The following L3MBTL4 variants were observed in gnomAD, a reference collection of about 807,000 sequenced individuals.
L3MBTL4 encodes lethal(3)malignant brain tumor-like protein 4.
Under a neutral mutation model 84.5 loss-of-function variants are expected in L3MBTL4, and 70 were observed. The ratio of observed to expected loss-of-function variants is 0.83; its 90% CI spans 0.68 to 1.01. L3MBTL4 has a LOEUF of 1.01. Among genes scored for constraint, L3MBTL4 ranks in the 50% least tolerant of loss-of-function variants. The pLI, the probability that L3MBTL4 is intolerant of heterozygous loss-of-function variation, is 0.00. For missense variants in L3MBTL4, 715 were observed against 754.8 expected (o/e 0.95, Z 0.62); for synonymous variants, 274 against 259.8 (o/e 1.05, Z -0.52).
intron 14 of L3MBTL4, among the ~76,000 whole-genome samples, chr18:6,124,554 T>C (rs1329703705): frequency 6.6e-6 from 1 of 151,764 alleles, no homozygotes; most frequent in Non-Finnish European, 1.5e-5. Flanking sequence ...TAGAAGATGA[T>C]AGCAAGCAAC....
intron 5 of L3MBTL4, among the ~76,000 whole-genome samples, chr18:6,258,382 C>G (rs1424532045): frequency 6.6e-6 from 1 of 152,124 alleles, no homozygotes; most frequent in Non-Finnish European, 1.5e-5. Context: ...AGAAGGTAGG[C>G]AGTGAATACG....
intron 1 of L3MBTL4, among the ~76,000 whole-genome samples, chr18:6,380,854 T>G (rs2144345813): frequency 6.6e-6 from 1 of 152,300 alleles, no homozygotes; most frequent in East Asian, 1.9e-4. Flanking sequence ...AGAGCTGAGT[T>G]CAAGTCCTGA....
At chr18:6,282,257 A>G (rs921583912) in intron 4 of L3MBTL4, among the ~76,000 whole-genome samples, 1 of 152,204 alleles carries the variant, frequency 6.6e-6, no homozygotes, top group Non-Finnish European at 1.5e-5. Flanking sequence ...TCTACTGGAG[A>G]GGGATCAAAT....
At chr18:6,156,431 T>TTTGAA (rs1440043387) in intron 13 of L3MBTL4, among the ~76,000 whole-genome samples, 1,993 of 152,258 alleles carry the variant, frequency 0.013, 46 homozygotes, top group African/African-American at 0.045. Context: ...TTTCAGACAG[T>TTTGAA]CAGTTGATTG....
intron 16 of L3MBTL4, among the ~76,000 whole-genome samples, chr18:6,065,295 G>C (rs753878985): frequency 6.6e-6 from 1 of 151,856 alleles, no homozygotes; most frequent in Non-Finnish European, 1.5e-5. Flanking sequence ...TGTTCATCAA[G>C]GATATTGTAG....
chr18:6,041,221 C>T (rs184526635), intron 16 of L3MBTL4, among the ~76,000 whole-genome samples: 1 of 152,210 alleles, frequency 6.6e-6, no homozygotes, highest in Non-Finnish European at 1.5e-5. Context: ...CCAGGAGATC[C>T]CTGCCATTGG....
At chr18:6,241,123 A>T (rs2047431933) in intron 8 of L3MBTL4, among the ~76,000 whole-genome samples, 1 of 152,180 alleles carries the variant, frequency 6.6e-6, no homozygotes, top group Non-Finnish European at 1.5e-5. Flanking sequence ...TTAAACATAA[A>T]GTTTTTAAGT....
intron 1 of L3MBTL4, among the ~76,000 whole-genome samples, chr18:6,324,347 G>A (rs1207819202): frequency 6.6e-6 from 1 of 152,210 alleles, no homozygotes; most frequent in Non-Finnish European, 1.5e-5. Context: ...GAAGGCCACT[G>A]CCCTCTAGAC....
intron 16 of L3MBTL4, among the ~76,000 whole-genome samples, chr18:5,995,197 G>A (rs2053897325): frequency 1.3e-5 from 2 of 152,248 alleles, no homozygotes; most frequent in Admixed American, 6.5e-5. Flanking sequence ...ACGCCATGCA[G>A]GGATACTGCA....
chr18:5,969,999 CTCA>C (rs2052560599), intron 16 of L3MBTL4, among the ~76,000 whole-genome samples: 1 of 152,244 alleles, frequency 6.6e-6, no homozygotes, highest in Non-Finnish European at 1.5e-5. Context: ...TGGAAACAGC[CTCA>C]TGAGTCTCTA....
At chr18:6,072,885 T>A (rs1170174903) in intron 16 of L3MBTL4, among the ~76,000 whole-genome samples, 1,696 of 8,584 alleles carry the variant, frequency 0.2, 387 homozygotes, top group East Asian at 0.39. Context: ...AAAAAAAATA[T>A]ATATATATAT....
At chr18:6,207,901 TCAAGACCAGC>T (rs2045938652) in intron 12 of L3MBTL4, among the ~76,000 whole-genome samples, 1 of 151,660 alleles carries the variant, frequency 6.6e-6, no homozygotes, top group South Asian at 2.1e-4. Flanking sequence ...GCTCAGGAGT[TCAAGACCAGC>T]CTGGGCAACA....
At chr18:6,155,561 C>T (rs1205449814) in intron 13 of L3MBTL4, among the ~76,000 whole-genome samples, 1 of 152,200 alleles carries the variant, frequency 6.6e-6, no homozygotes, top group Non-Finnish European at 1.5e-5. Context: ...GCCATCCCCT[C>T]TAATTATGGT....
chr18:5,978,438 C>T (rs1015748240), intron 16 of L3MBTL4, among the ~76,000 whole-genome samples: 1 of 152,120 alleles, frequency 6.6e-6, no homozygotes, highest in Non-Finnish European at 1.5e-5. Context: ...TTATTTTGAT[C>T]GATACTACAC....
intron 4 of L3MBTL4, among the ~76,000 whole-genome samples, chr18:6,284,979 G>C (rs1193237646): frequency 6.6e-6 from 1 of 152,218 alleles, no homozygotes; most frequent in East Asian, 1.9e-4. Context: ...GCGGGGGCGG[G>C]AATGAACCCT....
chr18:6,392,019 AC>A (rs1219398982), intron 1 of L3MBTL4, among the ~76,000 whole-genome samples: 16 of 152,294 alleles, frequency 1.1e-4, no homozygotes, highest in African/African-American at 3.9e-4. Flanking sequence ...GGCATGTGGA[AC>A]CAAAAAGGAG....
chr18:6,387,920 G>C (rs1457380495), intron 1 of L3MBTL4, among the ~76,000 whole-genome samples: 1 of 152,178 alleles, frequency 6.6e-6, no homozygotes, highest in Non-Finnish European at 1.5e-5. Flanking sequence ...TCAACAAAAA[G>C]TGTATAAAAG....
intron 15 of L3MBTL4, among the ~76,000 whole-genome samples, chr18:6,087,669 A>G (rs1181443785): frequency 1.3e-5 from 2 of 152,340 alleles, no homozygotes; most frequent in East Asian, 1.9e-4. Context: ...CTTAGACCAA[A>G]TAAATAAAGG....
chr18:6,123,373 C>T (rs571663856), intron 14 of L3MBTL4, among the ~76,000 whole-genome samples: 6 of 152,290 alleles, frequency 3.9e-5, no homozygotes, highest in East Asian at 3.9e-4. Flanking sequence ...ACAATCCCCA[C>T]GTATCATGGG....
Sources: gnomAD v4.1 joint callset for allele counts (sites outside exome capture counted in the v4.1 genomes callset) on GRCh38, gnomAD v4.1.1 for gene constraint, MANE v1.5 for transcripts, NCBI Gene and HGNC (gene_info 2026-07-23, HGNC 2026-07-21) for gene names.